The following DMD variants were observed in gnomAD, a reference collection of about 807,000 sequenced individuals.
DMD encodes mutant dystrophin.
In DMD, 63 loss-of-function variants were observed where a neutral mutation model predicts 330.1. The ratio of observed to expected loss-of-function variants is 0.19; its 90% CI spans 0.16 to 0.24. DMD has a LOEUF of 0.24. Ranked by LOEUF, DMD falls within the 10% of genes least tolerant of loss-of-function variation. The probability of loss-of-function intolerance (pLI) is 1.00; values close to 1 mark genes in which losing one functional copy is unlikely to be tolerated. For missense variants in DMD, 3,344 were observed against 2,684.1 expected, an observed-to-expected ratio of 1.25 and a Z score of -5.43; for synonymous variants, 1,223 against 959.8, an observed-to-expected ratio of 1.27 and a Z score of -5.07.
intron 44 of DMD, among the ~76,000 whole-genome samples, chrX:32,019,881 C>A (rs2095794625): frequency 8.9e-6 from 1 of 112,512 alleles, no homozygotes; most frequent in South Asian, 3.6e-4. Context: ...ATTCATGGGG[C>A]TAAGTTGAAT....
At chrX:32,146,226 T>C (rs2096777572) in intron 44 of DMD, among the ~76,000 whole-genome samples, 1 of 112,269 alleles carries the variant, frequency 8.9e-6, no homozygotes. Flanking sequence ...TTCAGTCTTG[T>C]AATTTATAAA....
chrX:32,890,088 T>C (rs957713376), intron 2 of DMD, among the ~76,000 whole-genome samples: 8 of 111,666 alleles, frequency 7.2e-5, no homozygotes, highest in African/African-American at 2.6e-4. Context: ...TTTCTAAGAA[T>C]CATTGTCCAG....
chrX:31,734,674 G>T (rs1285020685), intron 51 of DMD, among the ~76,000 whole-genome samples: 1 of 111,200 alleles, frequency 9.0e-6, no homozygotes, highest in Non-Finnish European at 1.9e-5. Flanking sequence ...GGCTGTAGCA[G>T]TGAAGGAGAA....
At chrX:32,806,396 C>A (rs1021636498) in intron 7 of DMD, among the ~76,000 whole-genome samples, 1 of 111,480 alleles carries the variant, frequency 9.0e-6, no homozygotes, top group Non-Finnish European at 1.9e-5. Flanking sequence ...ATAAGAAGTC[C>A]TAACTATCCT....
rs1206014230 is a variant in DMD at position 32,708,664 on chromosome X, C to A, written c.650-9371G>T. ...TCAGACATGATACCAATTCACCAAG[C>A]AATTAATCACGTTTTATAATTAGAA... On this transcript the variant is annotated intron_variant, in intron 7 of 78. Transcript: ENST00000357033. Among the ~76,000 whole-genome samples, 3 of 111,412 alleles carry A rather than the reference C, an allele frequency of 2.7e-5. No homozygotes were observed. The East Asian group carries it at 8.4e-4, about 31-fold the overall frequency.
intron 26 of DMD, among the ~76,000 whole-genome samples, chrX:32,454,173 T>C (rs2098345346): frequency 9.0e-6 from 1 of 111,326 alleles, no homozygotes; most frequent in East Asian, 2.8e-4. Flanking sequence ...TCCTATTGTT[T>C]CAAGAAAAGT....
At chrX:33,330,990 C>T (rs1191059324) in intron 1 of DMD, among the ~76,000 whole-genome samples, 4 of 111,981 alleles carry the variant, frequency 3.6e-5, no homozygotes, top group African/African-American at 1.3e-4. Flanking sequence ...TTTTTCTCTT[C>T]TCATCCACAT....
At chrX:31,954,447 C>T (rs1435821345) in intron 45 of DMD, among the ~76,000 whole-genome samples, 1 of 111,342 alleles carries the variant, frequency 9.0e-6, no homozygotes, top group Non-Finnish European at 1.9e-5. Context: ...TTTACACAAT[C>T]GTCATTTTTC....
At chrX:33,146,050 C>A (rs1424927071) in intron 1 of DMD, among the ~76,000 whole-genome samples, 1 of 110,085 alleles carries the variant, frequency 9.1e-6, no homozygotes, top group African/African-American at 3.3e-5. Flanking sequence ...CCACACCCAG[C>A]TCATTTTTTT....
At chrX:32,563,275 A>G (rs767568005) in intron 16 of DMD, among the ~76,000 whole-genome samples, 1 of 100,902 alleles carries the variant, frequency 9.9e-6, no homozygotes, top group Non-Finnish European at 2.0e-5. Flanking sequence ...CCCAGGAGGC[A>G]GAGCTTGCAG....
At chrX:32,735,016 C>A (rs751609533) in intron 7 of DMD, among the ~76,000 whole-genome samples, 1 of 110,788 alleles carries the variant, frequency 9.0e-6, no homozygotes, top group South Asian at 3.9e-4. Context: ...CTAGAAAACC[C>A]CACTGTCTCA....
intron 29 of DMD, among the ~76,000 whole-genome samples, chrX:32,424,267 A>G (rs1187976360): frequency 9.1e-6 from 1 of 110,428 alleles, no homozygotes; most frequent in Non-Finnish European, 1.9e-5. Context: ...AAGATTCAAG[A>G]TATCCAATAT....
Position 32,570,385 on chromosome X carries a change from T to C in DMD, c.1812+3145A>G, listed in dbSNP as rs1238665342. ...TTAAACTATCAAATGACAAGACCTA[T>C]AGAAAACATATTTTCTCTTTGTTCA... On this transcript the variant is annotated intron_variant, in intron 15 of 78. Coordinates refer to ENST00000357033, the MANE Select transcript of DMD (RefSeq NM_004006.3). 6.1e-5 allele frequency among the ~76,000 whole-genome samples: 6 copies of C among 98,549 alleles called. No homozygotes were observed. The East Asian group carries it at 1.1e-3, about 18-fold the overall frequency. 85.6% of individuals were successfully genotyped at this position (98,549 alleles called of 115,157 possible).
At chrX:32,562,987 G>C (rs1420933564) in intron 16 of DMD, among the ~76,000 whole-genome samples, 1 of 111,402 alleles carries the variant, frequency 9.0e-6, no homozygotes, top group Non-Finnish European at 1.9e-5. Flanking sequence ...ATGATGTTAA[G>C]TCCTTTTATT....
chrX:31,634,928 AT>A (rs1000590252), intron 54 of DMD, among the ~76,000 whole-genome samples: 1 of 111,251 alleles, frequency 9.0e-6, no homozygotes, highest in Non-Finnish European at 1.9e-5. Flanking sequence ...ATACACACAT[AT>A]TTTTTTCTTT....
intron 54 of DMD, among the ~76,000 whole-genome samples, chrX:31,644,606 T>C (rs2079973180): frequency 8.9e-6 from 1 of 112,054 alleles, no homozygotes; most frequent in Non-Finnish European, 1.9e-5. Context: ...TGGCAAACAG[T>C]GCATATCCCA....
intron 51 of DMD, among the ~76,000 whole-genome samples, chrX:31,742,478 A>T (rs2087440176): frequency 8.9e-6 from 1 of 112,109 alleles, no homozygotes; most frequent in Non-Finnish European, 1.9e-5. Context: ...TGTCTCAGGG[A>T]ATAGGGAGGC....
Position 33,005,179 on chromosome X carries a change from C to T in DMD, c.93+14960G>A, listed in dbSNP as rs201527315. ...CAATGTTAAGTATTAATGGAGGTAG[C>T]TGTAGTACTCATATGGTTTTCCTGT... On this transcript the variant is annotated intron_variant, in intron 2 of 78. Coordinates refer to ENST00000357033, the MANE Select transcript of DMD (RefSeq NM_004006.3). 6.4e-5 allele frequency among the ~76,000 whole-genome samples: 7 copies of T among 108,803 alleles called. No homozygotes were observed. In the East Asian group the frequency reaches 2.0e-3, roughly 32 times the overall value. The allele number at this position is 108,803 out of a possible 115,157, so 94.5% of individuals were successfully genotyped here. A position where few individuals can be genotyped will look rare whatever the true frequency, so the allele number is the denominator to read the frequency against.
intron 13 of DMD, among the ~76,000 whole-genome samples, chrX:32,575,840 AG>A (rs2052984276): frequency 8.9e-6 from 1 of 112,130 alleles, no homozygotes; most frequent in Admixed American, 9.5e-5. Context: ...CAAGGGAAGA[AG>A]GGACAAACTC....
Sources: gnomAD v4.1 joint callset for allele counts (sites outside exome capture counted in the v4.1 genomes callset) on GRCh38, gnomAD v4.1.1 for gene constraint, MANE v1.5 for transcripts, NCBI Gene and HGNC (gene_info 2026-07-23, HGNC 2026-07-21) for gene names.